GRAMD1C: variants seen among roughly 807,000 people sequenced by gnomAD.
GRAMD1C encodes the protein GRAM domain containing 1C, also known as protein Aster-C.
In GRAMD1C, 89 loss-of-function variants were observed where a neutral mutation model predicts 97.8. That is an observed-to-expected ratio of 0.91 (90% CI 0.77 to 1.09). GRAMD1C has a LOEUF of 1.09. Ranked by LOEUF, GRAMD1C falls within the 50% of genes least tolerant of loss-of-function variation. The pLI is 0.00. For synonymous variants in GRAMD1C, 256 were observed against 267.0 expected (o/e 0.96, Z 0.40); for missense variants, 740 against 766.4 (o/e 0.97, Z 0.41).
intron 5 of GRAMD1C, among the ~76,000 whole-genome samples, chr3:113,882,149 A>G (rs111355303): frequency 2.6e-4 from 40 of 152,308 alleles, no homozygotes; most frequent in African/African-American, 8.9e-4. Flanking sequence ...GCAAAAATCA[A>G]TTAAATAAAA....
chr3:113,890,072 C>G (rs1217554809), intron 6 of GRAMD1C, among the ~76,000 whole-genome samples: 2 of 91,620 alleles, frequency 2.2e-5, no homozygotes, highest in Admixed American at 1.3e-4. Flanking sequence ...GCCTTTTGAA[C>G]TGAACGCTGA....
At chr3:113,924,554 A>T (rs894795345) in intron 10 of GRAMD1C, among the ~76,000 whole-genome samples, 1 of 152,136 alleles carries the variant, frequency 6.6e-6, no homozygotes, top group African/African-American at 2.4e-5. Flanking sequence ...CAGGTTGTTT[A>T]ATTTCCATGT....
chr3:113,872,429 C>G (rs1230819799), intron 3 of GRAMD1C, among the ~76,000 whole-genome samples: 1 of 142,850 alleles, frequency 7.0e-6, no homozygotes, highest in South Asian at 2.3e-4. Flanking sequence ...GAGTCTCGCC[C>G]TGTCACCCAG....
At chr3:113,916,753 T>A (rs996897070) in intron 10 of GRAMD1C, among the ~76,000 whole-genome samples, 13 of 152,270 alleles carry the variant, frequency 8.5e-5, no homozygotes, top group African/African-American at 3.1e-4. Context: ...TCAAAGAAAA[T>A]ATATTTTTAA....
At chr3:113,837,530 G>A (rs76641292), upstream of GRAMD1C, among the ~76,000 whole-genome samples, 2,189 of 152,250 alleles carry the variant, frequency 0.014, 48 homozygotes, top group African/African-American at 0.048. Flanking sequence ...GCTCCAAGGC[G>A]AGAAGGAGGA....
At chr3:113,874,454 T>A (rs892972819) in intron 3 of GRAMD1C, among the ~76,000 whole-genome samples, 2 of 152,038 alleles carry the variant, frequency 1.3e-5, no homozygotes, top group Non-Finnish European at 2.9e-5. Context: ...GTTCAAGAGA[T>A]TCTCCCACCT....
intron 2 of GRAMD1C, among the ~76,000 whole-genome samples, chr3:113,854,527 G>T (rs993173928): frequency 2.6e-5 from 4 of 152,192 alleles, no homozygotes; most frequent in African/African-American, 7.2e-5. Context: ...CAACCTGAGA[G>T]TTGGGCATTG....
chr3:113,886,973 G>T (rs142364088), intron 6 of GRAMD1C, among the ~76,000 whole-genome samples: 1 of 151,034 alleles, frequency 6.6e-6, no homozygotes, highest in East Asian at 1.9e-4. Flanking sequence ...GTAGAGATGG[G>T]GTTTCGCCAT....
At chr3:113,875,901 G>A (rs1935011298) in intron 4 of GRAMD1C, 2 of 417,512 alleles carry the variant, frequency 4.8e-6, no homozygotes, top group Non-Finnish European at 8.4e-6. Context: ...TGTTAATGTG[G>A]AGCATGAACA....
At chr3:113,837,114 C>T (rs1423628110), upstream of GRAMD1C, among the ~76,000 whole-genome samples, 1 of 148,940 alleles carries the variant, frequency 6.7e-6, no homozygotes, top group Non-Finnish European at 1.5e-5. Flanking sequence ...CCTTCCTTCC[C>T]TCTCTCTCTC....
At chr3:113,886,982 A>G (rs1302264617) in intron 6 of GRAMD1C, among the ~76,000 whole-genome samples, 2 of 149,922 alleles carry the variant, frequency 1.3e-5, no homozygotes, top group Non-Finnish European at 3.0e-5. Context: ...GGGTTTCGCC[A>G]TGTTGGCCAG....
chr3:113,834,762 T>C (rs910491210), upstream of GRAMD1C, among the ~76,000 whole-genome samples: 4 of 147,672 alleles, frequency 2.7e-5, no homozygotes, highest in African/African-American at 1.0e-4. Flanking sequence ...GGTGAAACTC[T>C]GTCTCTACTA....
intron 2 of GRAMD1C, among the ~76,000 whole-genome samples, chr3:113,860,138 C>T (rs1934306227): frequency 6.6e-6 from 1 of 152,170 alleles, no homozygotes; most frequent in Non-Finnish European, 1.5e-5. Flanking sequence ...TCTCCTGCCT[C>T]AGCCTCCTGA....
chr3:113,888,061 A>G (rs1006539235), intron 6 of GRAMD1C, among the ~76,000 whole-genome samples: 2 of 152,168 alleles, frequency 1.3e-5, no homozygotes, highest in Non-Finnish European at 2.9e-5. Context: ...AACTGTTTAC[A>G]GTAGAATTAA....
chr3:113,922,580 G>C (rs1937098436), intron 10 of GRAMD1C, among the ~76,000 whole-genome samples: 1 of 152,112 alleles, frequency 6.6e-6, no homozygotes, highest in African/African-American at 2.4e-5. Context: ...AAGACCAGAT[G>C]GTTGTAGGTG....
chr3:113,942,247 T>C (rs1394610016), intron 17 of GRAMD1C, among the ~76,000 whole-genome samples: 2 of 151,916 alleles, frequency 1.3e-5, no homozygotes, highest in Non-Finnish European at 2.9e-5. Flanking sequence ...GGCTACCATA[T>C]CTTTATCTCT....
chr3:113,832,941 A>C (rs1472650932), intron 1 of GRAMD1C, among the ~76,000 whole-genome samples: 1 of 152,020 alleles, frequency 6.6e-6, no homozygotes, highest in Non-Finnish European at 1.5e-5. Context: ...TTTTCTGAGC[A>C]TGTTCCCAGC....
At chr3:113,902,025 A>G (rs1444990216) in intron 7 of GRAMD1C, among the ~76,000 whole-genome samples, 4 of 152,138 alleles carry the variant, frequency 2.6e-5, no homozygotes, top group Non-Finnish European at 2.9e-5. Flanking sequence ...GGTGATGACA[A>G]TGTTCTACAA....
intron 10 of GRAMD1C, chr3:113,919,988 C>A: frequency 1.5e-6 from 1 of 672,368 alleles, no homozygotes; most frequent in Non-Finnish European, 2.8e-6. Flanking sequence ...GGATATGACC[C>A]TACTCCAACA....
Sources: allele counts gnomAD v4.1 joint callset (sites outside exome capture counted in the v4.1 genomes callset), GRCh38; gene constraint gnomAD v4.1.1; transcripts MANE v1.5; gene names NCBI Gene and HGNC (gene_info 2026-07-23, HGNC 2026-07-21).